Variants in CNTNAP2 observed in about 807,000 individuals in gnomAD.
CNTNAP2 encodes contactin associated protein 2.
A neutral mutation model predicts 155.2 loss-of-function variants in CNTNAP2; 98 were observed. That is an observed-to-expected ratio of 0.63 (90% confidence interval 0.54 to 0.75). The LOEUF (loss-of-function observed/expected upper bound fraction) is 0.75, where lower values mean the gene tolerates loss of function less well. Among genes scored for constraint, CNTNAP2 ranks in the 30% least tolerant of loss-of-function variants. CNTNAP2 has a pLI of 0.00. For missense variants in CNTNAP2, 1,727 were observed against 1,688.1 expected (o/e 1.02, Z -0.40); for synonymous variants, 651 against 631.2 (o/e 1.03, Z -0.47).
intron 3 of CNTNAP2, among the ~76,000 whole-genome samples, chr7:146,881,905 C>T (rs1795560332): frequency 6.6e-6 from 1 of 151,764 alleles, no homozygotes; most frequent in South Asian, 2.1e-4. Context: ...CAAATATATT[C>T]GTCGTCTAGA....
chr7:147,923,212 G>T (rs990783004), intron 14 of CNTNAP2, among the ~76,000 whole-genome samples: 1 of 152,182 alleles, frequency 6.6e-6, no homozygotes, highest in Non-Finnish European at 1.5e-5. Context: ...AACGTGACAT[G>T]TTTTTGACAT....
intron 10 of CNTNAP2, among the ~76,000 whole-genome samples, chr7:147,418,959 T>C (rs1000806626): frequency 3.9e-5 from 6 of 152,194 alleles, no homozygotes; most frequent in African/African-American, 1.4e-4. Context: ...AAAATTCTGC[T>C]GAACTCAGTG....
At chr7:147,836,138 A>T (rs1476082015) in intron 13 of CNTNAP2, among the ~76,000 whole-genome samples, 2 of 152,144 alleles carry the variant, frequency 1.3e-5, no homozygotes, top group Non-Finnish European at 2.9e-5. Context: ...CCAGGAAGAA[A>T]TTTTTGTTGT....
intron 14 of CNTNAP2, among the ~76,000 whole-genome samples, chr7:147,949,159 C>A (rs547379105): frequency 1.3e-5 from 2 of 151,550 alleles, no homozygotes; most frequent in African/African-American, 2.4e-5. Flanking sequence ...CGAGAAGAAC[C>A]ATTGCACTCC....
At chr7:146,950,235 G>A (rs987933664) in intron 3 of CNTNAP2, among the ~76,000 whole-genome samples, 2 of 152,076 alleles carry the variant, frequency 1.3e-5, no homozygotes, top group African/African-American at 4.8e-5. Context: ...AAAAATTCAA[G>A]ATAAATGGTT....
At chr7:147,727,853 T>C (rs1026324615) in intron 13 of CNTNAP2, among the ~76,000 whole-genome samples, 3 of 151,446 alleles carry the variant, frequency 2.0e-5, no homozygotes, top group African/African-American at 7.3e-5. Flanking sequence ...GGGACTTGGA[T>C]AGGAAGCAGA....
At chr7:146,380,689 T>G (rs1233835403) in intron 1 of CNTNAP2, among the ~76,000 whole-genome samples, 1 of 151,898 alleles carries the variant, frequency 6.6e-6, no homozygotes, top group African/African-American at 2.4e-5. Context: ...GGACAAATTA[T>G]TCTTTGTTTG....
At chr7:147,487,592 G>T (rs905857192) in intron 11 of CNTNAP2, among the ~76,000 whole-genome samples, 1 of 152,116 alleles carries the variant, frequency 6.6e-6, no homozygotes, top group Non-Finnish European at 1.5e-5. Flanking sequence ...GCAAGAAATC[G>T]GTGGTGGTTG....
At chr7:148,046,947 A>T (rs1802786091) in intron 15 of CNTNAP2, among the ~76,000 whole-genome samples, 1 of 152,212 alleles carries the variant, frequency 6.6e-6, no homozygotes, top group Non-Finnish European at 1.5e-5. Flanking sequence ...TATACTAATC[A>T]TCAGATATAA....
chr7:146,521,854 A>T (rs1031454582), intron 1 of CNTNAP2, among the ~76,000 whole-genome samples: 3 of 151,986 alleles, frequency 2.0e-5, no homozygotes, highest in Admixed American at 6.6e-5. Context: ...TATTAGATTT[A>T]AAAAAATCTA....
chr7:147,117,475 T>C (rs1387645134), intron 5 of CNTNAP2, among the ~76,000 whole-genome samples: 1 of 152,084 alleles, frequency 6.6e-6, no homozygotes, highest in African/African-American at 2.4e-5. Flanking sequence ...TGAAGTTGTT[T>C]CCCTAATCCG....
intron 1 of CNTNAP2, among the ~76,000 whole-genome samples, chr7:146,706,862 T>C (rs902455257): frequency 1.4e-5 from 2 of 148,014 alleles, no homozygotes; most frequent in African/African-American, 2.5e-5. Flanking sequence ...ACAATCCCCA[T>C]GACACAAGTT....
intron 10 of CNTNAP2, among the ~76,000 whole-genome samples, chr7:147,477,682 G>C (rs929019914): frequency 3.9e-5 from 6 of 152,154 alleles, no homozygotes; most frequent in Admixed American, 6.5e-5. Flanking sequence ...ATATATCTCC[G>C]TGGTGCATCT....
At chr7:148,225,834 G>A (rs1340943925) in intron 19 of CNTNAP2, among the ~76,000 whole-genome samples, 1 of 152,222 alleles carries the variant, frequency 6.6e-6, no homozygotes, top group African/African-American at 2.4e-5. Flanking sequence ...ATAGGAGAAA[G>A]AGGACAGTCA....
intron 1 of CNTNAP2, among the ~76,000 whole-genome samples, chr7:146,754,596 C>A (rs1246693930): frequency 6.6e-6 from 1 of 150,870 alleles, no homozygotes; most frequent in Admixed American, 6.6e-5. Context: ...CTGAACCTGG[C>A]TGCAATAATA....
intron 15 of CNTNAP2, among the ~76,000 whole-genome samples, chr7:148,116,559 G>A (rs557182438): frequency 6.6e-6 from 1 of 152,236 alleles, no homozygotes; most frequent in African/African-American, 2.4e-5. Flanking sequence ...AACATGTTAA[G>A]ATTTTAATAT....
chr7:147,142,505 A>C (rs1460325598), intron 8 of CNTNAP2, among the ~76,000 whole-genome samples: 1 of 152,162 alleles, frequency 6.6e-6, no homozygotes, highest in Admixed American at 6.5e-5. Context: ...TTTGCATCAA[A>C]GTTCATCAGG....
rs200673864 is a variant in CNTNAP2 at position 147,132,420 on chromosome 7, G to A, written c.1259G>A (p.Gly420Asp). 11 of 1,613,602 alleles carry A rather than the reference G, an allele frequency of 6.8e-6. No homozygotes were observed. Among genetic ancestry groups the A allele is most frequent in the African/African-American group, 1.3e-5 (1 of 74,948 alleles). ...LVFSHFADNL[G>D]NVEIDLTESK... The stretch of plus-strand genomic sequence containing the variant: ...TTCAGTCACTTTGCGGATAATTTGG[G>A]CAATGTGGAGATTGACCTCACTGAA... The change falls in exon 8 of 24, where the codon GGC (glycine) becomes GAC (aspartate). Residue 420 changes from glycine to aspartate, a missense_variant. Coordinates refer to ENST00000361727, the MANE Select transcript of CNTNAP2 (RefSeq NM_014141.6).
At chr7:146,606,298 A>G (rs527505494) in intron 1 of CNTNAP2, among the ~76,000 whole-genome samples, 1 of 152,304 alleles carries the variant, frequency 6.6e-6, no homozygotes, top group South Asian at 2.1e-4. Flanking sequence ...AAGTGACATG[A>G]GTTCTACATG....
Sources: allele counts gnomAD v4.1 joint callset (sites outside exome capture counted in the v4.1 genomes callset), GRCh38; gene constraint gnomAD v4.1.1; transcripts MANE v1.5; gene names NCBI Gene and HGNC (gene_info 2026-07-23, HGNC 2026-07-21).